WASHC4: variants seen among roughly 807,000 people sequenced by gnomAD.
WASHC4 encodes the protein WASH complex subunit 4.
A neutral mutation model predicts 166.6 loss-of-function variants in WASHC4; 86 were observed. That is an observed-to-expected ratio of 0.52 (90% CI 0.43 to 0.62). The LOEUF is 0.62. WASHC4 is among the 20% of genes least tolerant of loss of function. The pLI, the probability that WASHC4 is intolerant of heterozygous loss-of-function variation, is 0.00. For synonymous variants in WASHC4, 446 were observed against 451.6 expected (o/e 0.99, Z 0.16); for missense variants, 1,262 against 1,382.4 (o/e 0.91, Z 1.38).
rs1216872728 is a variant in WASHC4 at position 105,168,109 on chromosome 12, A to T, written c.*1178A>T. On this transcript the variant is annotated 3_prime_UTR_variant, in exon 33 of 33. Coordinates refer to ENST00000332180, the MANE Select transcript of WASHC4 (RefSeq NM_015275.3). ...GAAATGCTTGATTTTTTTCTATTGC[A>T]TTTGTCTGCTAAACATTTCTTTGGA... is the stretch of plus-strand genomic sequence containing the variant. The T allele has an allele frequency of 2.6e-5, 4 of 152,018 alleles. No homozygotes were observed. The highest frequency in any genetic ancestry group is 7.2e-5 in the African/African-American group (3 of 41,434). 9.4% of individuals were successfully genotyped at this position (152,018 alleles called of 1,614,324 possible). A position where few individuals can be genotyped will look rare whatever the true frequency, so the allele number is the denominator to read the frequency against.
At chr12:105,111,800 C>T (rs1425499407) in intron 2 of WASHC4, among the ~76,000 whole-genome samples, 1 of 151,948 alleles carries the variant, frequency 6.6e-6, no homozygotes, top group Non-Finnish European at 1.5e-5. Context: ...AGTTTGTTAC[C>T]ACTTGAAAAA....
At chr12:105,146,983 T>C (rs569098402) in intron 23 of WASHC4, 59 bp from the exon 24 acceptor site, 2 of 923,378 alleles carry the variant, frequency 2.2e-6, no homozygotes, top group African/African-American at 3.2e-5. Flanking sequence ...TGGATACCTG[T>C]TTGACCAGTG....
chr12:105,130,555 A>G (rs773251704), intron 13 of WASHC4, among the ~76,000 whole-genome samples: 7 of 152,230 alleles, frequency 4.6e-5, no homozygotes, highest in Non-Finnish European at 7.3e-5. Flanking sequence ...CACTCCACTA[A>G]AGTGAAACTC....
At chr12:105,134,583 T>C (rs1882143917) in intron 14 of WASHC4, among the ~76,000 whole-genome samples, 1 of 152,108 alleles carries the variant, frequency 6.6e-6, no homozygotes, top group Non-Finnish European at 1.5e-5. Flanking sequence ...TAAGAAATAT[T>C]CCTTGTTATC....
rs552808075 is a variant in WASHC4 at position 105,139,016 on chromosome 12, G to A, written c.1452+1005G>A. On this transcript the variant is annotated intron_variant, in intron 15 of 32. Coordinates refer to ENST00000332180, the MANE Select transcript of WASHC4 (RefSeq NM_015275.3). ...TGAATTTTATGTTTATCATTCTCTTGTTTTTCTTTTTAGCTTGCCAAATAT... is the reference window on the plus strand; with the variant it reads ...TGAATTTTATGTTTATCATTCTCTTATTTTTCTTTTTAGCTTGCCAAATAT... 3.9e-5 allele frequency among the ~76,000 whole-genome samples: 6 copies of A among 152,114 alleles called. No homozygotes were observed. The South Asian group carries it at 1.2e-3, about 32-fold the overall frequency.
chr12:105,122,250 T>C lies in WASHC4; in HGVS notation c.786+12T>C. On this transcript the variant is annotated intron_variant, in intron 10 of 32. Transcript: ENST00000332180. ...GAATGATATTCCAGGTAAGTAGGTCTGTATCAGACTGTAACAGTGGGGCTC... is the reference window on the plus strand; with the variant it reads ...GAATGATATTCCAGGTAAGTAGGTCCGTATCAGACTGTAACAGTGGGGCTC... 1 of 1,610,864 alleles carries C rather than the reference T, an allele frequency of 6.2e-7. No homozygotes were observed. The highest frequency in any genetic ancestry group is 8.5e-7 in the Non-Finnish European group (1 of 1,178,948).
At chr12:105,147,460 G>A in intron 24 of WASHC4, 1 of 360,938 alleles carries the variant, frequency 2.8e-6, no homozygotes, top group Non-Finnish European at 4.6e-6. Flanking sequence ...TATCTGTGTT[G>A]ATCTGTGATC....
intron 15 of WASHC4, 124 bp downstream of exon 15, chr12:105,138,135 C>T (rs1882475530): frequency 3.4e-6 from 3 of 879,882 alleles, no homozygotes; most frequent in East Asian, 2.7e-5. Flanking sequence ...GAAAGTACTT[C>T]TCTCTCAATT....
rs778412901 is a variant in WASHC4, at chr12:105,146,482, A to C, written c.2365A>C (p.Ile789Leu). The C allele has an allele frequency of 5.6e-6, 9 of 1,596,422 alleles. No individual in the cohort carries two copies. Among genetic ancestry groups the C allele is most frequent in the Non-Finnish European group, 6.9e-6 (8 of 1,164,432 alleles). Residue 789 changes from isoleucine to leucine, a missense_variant, in exon 23 of 33, where the codon ATT (isoleucine) becomes CTT (leucine). By Grantham distance (5) the Ile-to-Leu change is conservative. Coordinates refer to ENST00000332180, the MANE Select transcript of WASHC4 (RefSeq NM_015275.3). The part of the protein sequence containing the change: ...GLDVLEIMRN[I>L]HIFVSRYLYN... ...TGATGTTTTAGAAATTATGAGAAAC[A>C]TTCATATATTTGTGTCCCGATACCT...
chr12:105,162,932 A>G (rs1416546075), intron 30 of WASHC4, 87 bp downstream of exon 30: 5 of 686,072 alleles, frequency 7.3e-6, no homozygotes, highest in Non-Finnish European at 1.2e-5. Context: ...ATAGGTCTAT[A>G]TGTTCTTTAT....
intron 7 of WASHC4, 150 bp downstream of exon 7, chr12:105,118,678 A>AG: frequency 1.5e-6 from 1 of 678,594 alleles, no homozygotes; most frequent in Non-Finnish European, 2.7e-6. Flanking sequence ...TATCATACGT[A>AG]GGTTAGTAAG....
At chr12:105,124,022 G>T (rs1881034636) in intron 10 of WASHC4, among the ~76,000 whole-genome samples, 1 of 151,980 alleles carries the variant, frequency 6.6e-6, no homozygotes, top group East Asian at 1.9e-4. Flanking sequence ...TCAAATGTTA[G>T]CATTTTTAGC....
intron 13 of WASHC4, among the ~76,000 whole-genome samples, chr12:105,127,595 A>G (rs567947077): frequency 8.5e-5 from 13 of 152,334 alleles, no homozygotes; most frequent in African/African-American, 3.1e-4. Flanking sequence ...TGCAGTAGAT[A>G]TCATTTGATG....
intron 10 of WASHC4, among the ~76,000 whole-genome samples, chr12:105,124,297 T>C (rs1881066712): frequency 6.6e-6 from 1 of 151,328 alleles, no homozygotes. Flanking sequence ...TTTTGTATTT[T>C]TAGTAGAGAT....
rs193128974 is a variant in WASHC4 at position 105,117,866 on chromosome 12, A to G, written c.436-580A>G. Among the ~76,000 whole-genome samples the G allele has an allele frequency of 6.4e-4, 98 of 152,326 alleles. No individual in the cohort carries two copies. The South Asian group carries it at 0.012, about 18-fold the overall frequency. ...TTTCAGAAAGTCTAGGATATGTTAG[A>G]TATGAGCTAATTATTTAATGACAAA... On this transcript the variant is annotated intron_variant, in intron 6 of 32. Coordinates refer to ENST00000332180, the MANE Select transcript of WASHC4 (RefSeq NM_015275.3).
chr12:105,163,410 T>C (rs1884623948), intron 30 of WASHC4, among the ~76,000 whole-genome samples: 1 of 152,226 alleles, frequency 6.6e-6, no homozygotes, highest in South Asian at 2.1e-4. Context: ...GGCTTTGTTT[T>C]TGTTGGGGTT....
chr12:105,161,361 A>G (rs1483049735), intron 29 of WASHC4, among the ~76,000 whole-genome samples: 1 of 152,170 alleles, frequency 6.6e-6, no homozygotes, highest in East Asian at 1.9e-4. Context: ...TCATCTTGTA[A>G]GAATCTTTTC....
chr12:105,148,031 T>G (rs1883454639), intron 24 of WASHC4: 1 of 985,242 alleles, frequency 1.0e-6, no homozygotes, highest in African/African-American at 1.7e-5. Context: ...CAGAGCACAG[T>G]TAATTTCTCC....
chr12:105,148,375 G>T, intron 24 of WASHC4: 1 of 984,462 alleles, frequency 1.0e-6, no homozygotes. Context: ...AGATGTGAAT[G>T]TATTTTATGT....
Sources: gnomAD v4.1 joint callset for allele counts (sites outside exome capture counted in the v4.1 genomes callset) on GRCh38, gnomAD v4.1.1 for gene constraint, MANE v1.5 for transcripts, NCBI Gene and HGNC (gene_info 2026-07-23, HGNC 2026-07-21) for gene names.